ARHGAP10: variants seen among roughly 807,000 people sequenced by gnomAD.
ARHGAP10 encodes Rho GTPase activating protein 10.
A neutral mutation model predicts 108.6 loss-of-function variants in ARHGAP10; 87 were observed. That is an observed-to-expected ratio of 0.80 (90% confidence interval 0.67 to 0.96). The LOEUF (loss-of-function observed/expected upper bound fraction) is 0.96. ARHGAP10 is among the 40% of genes least tolerant of loss of function. ARHGAP10 has a pLI of 0.00. For missense variants in ARHGAP10, 939 were observed against 954.5 expected (o/e 0.98, Z 0.21); for synonymous variants, 347 against 341.1 (o/e 1.02, Z -0.19).
chr4:147,796,584 G>T (rs1348647223), intron 1 of ARHGAP10, among the ~76,000 whole-genome samples: 1 of 152,084 alleles, frequency 6.6e-6, no homozygotes, highest in African/African-American at 2.4e-5. Flanking sequence ...GAATGCAGTG[G>T]TGTCATCTCG....
intron 19 of ARHGAP10, 53 bp from the exon 20 acceptor site, chr4:148,046,839 G>GT (rs1728907682): frequency 2.6e-6 from 4 of 1,550,482 alleles, no homozygotes; most frequent in Non-Finnish European, 2.6e-6. Context: ...TATTAGTGGA[G>GT]TTTTTTCTTC....
chr4:148,004,297 A>G (rs1019116607), intron 18 of ARHGAP10, among the ~76,000 whole-genome samples: 2 of 152,238 alleles, frequency 1.3e-5, no homozygotes, highest in African/African-American at 4.8e-5. Flanking sequence ...TCACTGCCAC[A>G]TTGTCTTTTA....
At chr4:147,883,764 G>A (rs1391241153) in intron 10 of ARHGAP10, among the ~76,000 whole-genome samples, 1 of 151,386 alleles carries the variant, frequency 6.6e-6, no homozygotes, top group Admixed American at 6.6e-5. Flanking sequence ...GTGTAATCTC[G>A]GCTCACTGCA....
At chr4:147,768,344 A>G (rs1413517155) in intron 1 of ARHGAP10, among the ~76,000 whole-genome samples, 1 of 152,188 alleles carries the variant, frequency 6.6e-6, no homozygotes, top group East Asian at 1.9e-4. Context: ...GTTGTAAAAT[A>G]CTTCCTGATA....
At chr4:147,733,553 C>T (rs1728308369) in intron 1 of ARHGAP10, among the ~76,000 whole-genome samples, 1 of 152,172 alleles carries the variant, frequency 6.6e-6, no homozygotes, top group Non-Finnish European at 1.5e-5. Context: ...AGGTATTCGT[C>T]CCTTGTACAT....
At chr4:147,939,742 G>A in intron 13 of ARHGAP10, 83 bp from the exon 14 acceptor site, 1 of 1,216,172 alleles carries the variant, frequency 8.2e-7, no homozygotes, top group Non-Finnish European at 1.2e-6. Flanking sequence ...ATGTTAGTTA[G>A]CAAAGATTTT....
chr4:147,914,252 A>G (rs1267764871), intron 13 of ARHGAP10, among the ~76,000 whole-genome samples: 1 of 152,184 alleles, frequency 6.6e-6, no homozygotes, highest in Non-Finnish European at 1.5e-5. Flanking sequence ...AACATACACA[A>G]TTGTGATACT....
chr4:148,039,368 ATTTTTTTTTTTTTT>A lies in ARHGAP10; in HGVS notation c.1868-7508_1868-7495del, dbSNP rs34876546. 1.7e-3 allele frequency among the ~76,000 whole-genome samples: 125 copies of A among 73,092 alleles called. 1 individual carries two copies. Among genetic ancestry groups the A allele is most frequent in the African/African-American group, 3.8e-3 (68 of 17,678 alleles). 48.0% of individuals were successfully genotyped at this position (73,092 alleles called of 152,430 possible). A position where few individuals can be genotyped will look rare whatever the true frequency, so the allele number is the denominator to read the frequency against. On this transcript the variant is annotated intron_variant, in intron 19 of 22. Coordinates refer to ENST00000336498, the MANE Select transcript of ARHGAP10 (RefSeq NM_024605.4). The stretch of plus-strand genomic sequence containing the variant: ...TTAATACTTTAAGAATACTACTTCA[ATTTTTTTTTTTTTT>A]TTTTTTTTTTTTTTTGAGATAGAGT...
At chr4:147,765,346 G>C (rs1371312200) in intron 1 of ARHGAP10, among the ~76,000 whole-genome samples, 1 of 146,724 alleles carries the variant, frequency 6.8e-6, no homozygotes, top group African/African-American at 2.5e-5. Flanking sequence ...GTGGGGGGGG[G>C]GGTGTGAGTG....
chr4:148,000,756 C>A (rs1740684422), intron 18 of ARHGAP10, among the ~76,000 whole-genome samples: 1 of 152,100 alleles, frequency 6.6e-6, no homozygotes, highest in African/African-American at 2.4e-5. Context: ...TATCCTTCGC[C>A]CGCTTTGTGA....
intron 22 of ARHGAP10, among the ~76,000 whole-genome samples, chr4:148,070,907 G>A (rs1384513872): frequency 2.6e-5 from 4 of 152,278 alleles, no homozygotes; most frequent in South Asian, 2.1e-4. Flanking sequence ...TTGCATTTCC[G>A]AACACTGGTG....
intron 7 of ARHGAP10, among the ~76,000 whole-genome samples, chr4:147,873,695 C>CACACACACACACAT (rs1405084899): frequency 6.8e-6 from 1 of 147,736 alleles, no homozygotes; most frequent in Non-Finnish European, 1.5e-5. Flanking sequence ...CACACACACA[C>CACACACACACACAT]ACACACACAC....
chr4:147,780,944 T>TGGGAGAATGAGAGAAGACGCTC (rs1730505312), intron 1 of ARHGAP10, among the ~76,000 whole-genome samples: 2 of 152,124 alleles, frequency 1.3e-5, no homozygotes, highest in African/African-American at 4.8e-5. Context: ...CTCCCACTTT[T>TGGGAGAATGAGAGAAGACGCTC]GGGAGAATGA....
chr4:147,830,245 G>A (rs996916370), intron 3 of ARHGAP10, among the ~76,000 whole-genome samples: 1 of 152,144 alleles, frequency 6.6e-6, no homozygotes, highest in South Asian at 2.1e-4. Flanking sequence ...CTGACCTTTT[G>A]CCCCTATAGG....
chr4:147,938,183 G>C (rs757968729), intron 13 of ARHGAP10, among the ~76,000 whole-genome samples: 9 of 152,036 alleles, frequency 5.9e-5, no homozygotes, highest in Non-Finnish European at 1.2e-4. Context: ...GACACATAGA[G>C]GAGAACAACA....
At chr4:147,804,483 G>GAAC (rs1731702994) in intron 1 of ARHGAP10, among the ~76,000 whole-genome samples, 1 of 152,106 alleles carries the variant, frequency 6.6e-6, no homozygotes, top group South Asian at 2.1e-4. Flanking sequence ...GTGTCTTTAT[G>GAAC]GTAGAATGAT....
intron 10 of ARHGAP10, among the ~76,000 whole-genome samples, chr4:147,905,289 A>G (rs949209397): frequency 1.3e-5 from 2 of 149,350 alleles, no homozygotes; most frequent in African/African-American, 4.9e-5. Context: ...TTGGTGTTTT[A>G]GACATGAAGT....
chr4:147,996,977 C>G (rs1415113007), intron 18 of ARHGAP10, among the ~76,000 whole-genome samples: 1 of 152,202 alleles, frequency 6.6e-6, no homozygotes, highest in Non-Finnish European at 1.5e-5. Context: ...AGATAAATTT[C>G]TGTTGTTACC....
At chr4:147,771,232 G>T (rs1364811617) in intron 1 of ARHGAP10, among the ~76,000 whole-genome samples, 2 of 152,142 alleles carry the variant, frequency 1.3e-5, no homozygotes, top group African/African-American at 4.8e-5. Context: ...ATTCTGGGGG[G>T]TAAGGAATTC....
Sources: allele counts gnomAD v4.1 joint callset (sites outside exome capture counted in the v4.1 genomes callset), GRCh38; gene constraint gnomAD v4.1.1; transcripts MANE v1.5; gene names NCBI Gene and HGNC (gene_info 2026-07-23, HGNC 2026-07-21).